The following CELF2 variants were observed in gnomAD, a reference collection of about 807,000 sequenced individuals.
CELF2 encodes the protein CUG triplet repeat RNA-binding protein 2.
Under a neutral mutation model 62.6 loss-of-function variants are expected in CELF2, and 8 were observed. The observed-to-expected ratio is 0.13, with a 90% CI of 0.07 to 0.23. CELF2 has a LOEUF of 0.23. Ranked by LOEUF, CELF2 falls within the 10% of genes least tolerant of loss-of-function variation. The probability of loss-of-function intolerance (pLI) is 1.00; values close to 1 mark genes in which losing one functional copy is unlikely to be tolerated. For missense variants in CELF2, 333 were observed against 671.0 expected, an observed-to-expected ratio of 0.50 and a Z score of 5.56; for synonymous variants, 258 against 250.0, an observed-to-expected ratio of 1.03 and a Z score of -0.30.
chr10:11,179,497 A>G (rs184002782), intron 2 of CELF2, among the ~76,000 whole-genome samples: 1 of 152,322 alleles, frequency 6.6e-6, no homozygotes, highest in East Asian at 1.9e-4. Flanking sequence ...GATTGAACGA[A>G]TGAAGTAAAT....
intron 1 of CELF2, among the ~76,000 whole-genome samples, chr10:10,916,934 CTTT>C (rs572542157): frequency 7.1e-6 from 1 of 141,142 alleles, no homozygotes; most frequent in Non-Finnish European, 1.6e-5. Flanking sequence ...TCTTCTTCTT[CTTT>C]TTTTTTTTTT....
At chr10:10,727,704 A>T in the CELF2 span, among the ~76,000 whole-genome samples, 116 of 151,700 alleles carry the variant, frequency 7.6e-4, 2 homozygotes, top group Non-Finnish European at 1.4e-3. Flanking sequence ...TGAACCCAAG[A>T]GGCGGATGTT....
chr10:10,656,842 G>T, the CELF2 span, among the ~76,000 whole-genome samples: 1 of 146,716 alleles, frequency 6.8e-6, no homozygotes, highest in Non-Finnish European at 1.5e-5. Flanking sequence ...TGCAGAATGT[G>T]CACATGTACC....
chr10:11,278,672 G>T (rs2087062537), intron 8 of CELF2, among the ~76,000 whole-genome samples: 2 of 152,162 alleles, frequency 1.3e-5, no homozygotes, highest in African/African-American at 4.8e-5. Context: ...CTCATAGCAA[G>T]CTAAGGACGT....
rs927015534 is a variant in CELF2, at chr10:11,329,165, A to G, written c.*112A>G. ...GAGGACCACATTGCCAACTTTTACC[A>G]AGAGAGACGGTTATTTTTACAATAA... On this transcript the variant is annotated 3_prime_UTR_variant, in exon 13 of 13. Transcript: ENST00000633077. This position sits in a 1 kb window ranked among gnomAD's most constrained non-coding sequence, Gnocchi z 5.5. The G allele has an allele frequency of 3.8e-5, 44 of 1,150,222 alleles. 1 individual carries two copies. Among genetic ancestry groups the G allele is most frequent in the Non-Finnish European group, 4.7e-5 (39 of 832,298 alleles). 71.3% of individuals were successfully genotyped at this position (1,150,222 alleles called of 1,614,324 possible). A position where few individuals can be genotyped will look rare whatever the true frequency, so the allele number is the denominator to read the frequency against.
At chr10:10,497,839 G>T in the CELF2 span, among the ~76,000 whole-genome samples, 4,625 of 152,260 alleles carry the variant, frequency 0.03, 78 homozygotes, top group Non-Finnish European at 0.044. Flanking sequence ...GCTGTGGGAG[G>T]GTTTTGAGCA....
the CELF2 span, among the ~76,000 whole-genome samples, chr10:10,498,632 A>G: frequency 3.9e-5 from 6 of 152,322 alleles, no homozygotes; most frequent in East Asian, 1.2e-3. Context: ...GGTACAGTCA[A>G]GCTTCGCCTT....
At position 10,997,592 on chromosome 10, in the gene CELF2, G is replaced by A. The variant is rs1433595580; in HGVS notation, c.89+77593G>A. On this transcript the variant is annotated intron_variant, in intron 2 of 13. Coordinates refer to the CELF2 transcript ENST00000636488. This position sits in a 1 kb window ranked among gnomAD's most constrained non-coding sequence, Gnocchi z 5.3. ...GGATCCCAGATAATGGTCGAGTAAC[G>A]TAGTTTCTCTGACCTGGCACTTTGA... Among the ~76,000 whole-genome samples, 4 of 152,202 alleles carry A rather than the reference G, an allele frequency of 2.6e-5. No homozygotes were observed. Among genetic ancestry groups the A allele is most frequent in the East Asian group, 1.9e-4 (1 of 5,194 alleles).
intron 1 of CELF2, among the ~76,000 whole-genome samples, chr10:10,828,367 G>A (rs1384781922): frequency 2.6e-5 from 4 of 152,168 alleles, no homozygotes; most frequent in Admixed American, 6.5e-5. Flanking sequence ...GCTACAACAC[G>A]GATGGACCTT....
At chr10:11,195,296 G>T (rs1363513089) in intron 2 of CELF2, among the ~76,000 whole-genome samples, 1 of 152,214 alleles carries the variant, frequency 6.6e-6, no homozygotes, top group Non-Finnish European at 1.5e-5. Flanking sequence ...AAGGAGAACA[G>T]AAACACAGCA....
intron 4 of CELF2, among the ~76,000 whole-genome samples, chr10:11,250,331 A>G (rs1266868135): frequency 2.0e-5 from 3 of 152,252 alleles, no homozygotes; most frequent in Non-Finnish European, 2.9e-5. Context: ...CAACATAGAT[A>G]TATAAATAAA....
intron 1 of CELF2, among the ~76,000 whole-genome samples, chr10:11,135,210 C>G (rs2060244492): frequency 6.6e-6 from 1 of 152,262 alleles, no homozygotes. Flanking sequence ...TCTCTCTTAA[C>G]TTAAAATACT....
At chr10:10,623,064 C>T in the CELF2 span, among the ~76,000 whole-genome samples, 2 of 121,412 alleles carry the variant, frequency 1.6e-5, no homozygotes, top group African/African-American at 3.3e-5. Flanking sequence ...CCAACCTGGG[C>T]GACAGAGAGA....
chr10:10,975,889 A>G (rs975374408), intron 2 of CELF2, among the ~76,000 whole-genome samples: 2 of 152,234 alleles, frequency 1.3e-5, no homozygotes, highest in Non-Finnish European at 2.9e-5. Context: ...ACTAAGTCCT[A>G]CTTGGCAATG....
At position 11,090,632 on chromosome 10, in the gene CELF2, G is replaced by A. The variant is rs570523513; in HGVS notation, c.74+72469G>A. ...AAATTAGAGGCAGCCTAAATATCCA[G>A]CAATAAGAGAATAGGTAAAGATATT... On this transcript the variant is annotated intron_variant, in intron 1 of 12. Transcript: ENST00000633077. Among the ~76,000 whole-genome samples, 87 of 152,210 alleles carry A rather than the reference G, an allele frequency of 5.7e-4. 1 individual carries two copies. The highest frequency in any genetic ancestry group is 1.9e-3 in the African/African-American group (79 of 41,542).
Position 11,270,701 on chromosome 10 carries a change from C to T in CELF2, c.654C>T (p.Asp218=). The stretch of plus-strand genomic sequence containing the variant: ...CACCTATCGTGGTGAAGTTTGCTGA[C>T]ACTCAGAAGGACAAAGAGCAAAGGC... ...CSSPIVVKFA[D]TQKDKEQRRL... The change falls in exon 7 of 13, where the codon GAC becomes GAT. Residue 218 remains aspartate (D), a synonymous_variant. Transcript: ENST00000633077. This position sits in a 1 kb window ranked among gnomAD's most constrained non-coding sequence, Gnocchi z 5.8. 1 of 1,548,002 alleles carries T rather than the reference C, an allele frequency of 6.5e-7. No homozygotes were observed.
At chr10:11,292,151 T>C (rs2139800059) in intron 9 of CELF2, among the ~76,000 whole-genome samples, 1 of 152,348 alleles carries the variant, frequency 6.6e-6, no homozygotes, top group East Asian at 1.9e-4. Flanking sequence ...CACTTTGAAT[T>C]CTGGGTGGTA....
At chr10:11,199,714 C>A (rs1036951236) in intron 2 of CELF2, among the ~76,000 whole-genome samples, 2 of 152,204 alleles carry the variant, frequency 1.3e-5, no homozygotes, top group Non-Finnish European at 2.9e-5. Context: ...AAGAAGTTAG[C>A]CTCGATGGCT....
the CELF2 span, among the ~76,000 whole-genome samples, chr10:10,732,364 G>A: frequency 2.6e-5 from 4 of 152,120 alleles, no homozygotes; most frequent in Non-Finnish European, 5.9e-5. Flanking sequence ...GACCTCAGCA[G>A]TATTTTATGA....
Sources: allele counts gnomAD v4.1 joint callset (sites outside exome capture counted in the v4.1 genomes callset), GRCh38; gene constraint gnomAD v4.1.1; non-coding constraint Gnocchi (gnomAD v3.1); transcripts MANE v1.5; gene names NCBI Gene and HGNC (gene_info 2026-07-23, HGNC 2026-07-21).